Variants in PNPLA6 observed in about 807,000 individuals in gnomAD.
The protein encoded by PNPLA6 is patatin-like phospholipase domain-containing protein 6.
Under a neutral mutation model 153.7 loss-of-function variants are expected in PNPLA6, and 105 were observed. That is an observed-to-expected ratio of 0.68 (90% CI 0.58 to 0.80). The LOEUF is 0.80. Among genes scored for constraint, PNPLA6 ranks in the 30% least tolerant of loss-of-function variants. The pLI, the probability that PNPLA6 is intolerant of heterozygous loss-of-function variation, is 0.00. For synonymous variants in PNPLA6, 825 were observed against 822.2 expected, an observed-to-expected ratio of 1.00 and a Z score of -0.06; for missense variants, 1,423 against 1,919.3, an observed-to-expected ratio of 0.74 and a Z score of 4.83.
intron 18 of PNPLA6, among the ~76,000 whole-genome samples, chr19:7,551,778 C>T (rs906239983): frequency 6.6e-6 from 1 of 151,988 alleles, no homozygotes; most frequent in Non-Finnish European, 1.5e-5. Context: ...ACGGCCTGGA[C>T]GTTGAGAGAA....
At chr19:7,557,125 AGCGTGTCTGT>A in intron 26 of PNPLA6, 33 bp from the exon 27 acceptor site, 1 of 1,430,774 alleles carries the variant, frequency 7.0e-7, no homozygotes, top group Non-Finnish European at 9.8e-7. Context: ...GGCGTGTCTG[AGCGTGTCTGT>A]GCGTGTTTGT....
chr19:7,555,219 C>T lies in PNPLA6; in HGVS notation c.2818-30C>T, dbSNP rs1310338172. On this transcript the variant is annotated intron_variant, in intron 22 of 31. Coordinates refer to ENST00000600737, the MANE Select transcript of PNPLA6 (RefSeq NM_001166114.2). This position sits in a 1 kb window ranked among gnomAD's most constrained non-coding sequence, Gnocchi z 6.3. ...ATCCGCCGGACCCCGCCCTCATGCT[C>T]CTGGGTCGCGACTATCTCCCCCATC... 1 of 1,566,072 alleles carries T rather than the reference C, an allele frequency of 6.4e-7. No individual in the cohort carries two copies. The highest frequency in any genetic ancestry group is 8.7e-7 in the Non-Finnish European group (1 of 1,148,618).
In PNPLA6 at chr19:7,539,733, G is replaced by C. The variant is rs572268101; in HGVS notation, c.414-185G>C. Among the ~76,000 whole-genome samples the C allele has an allele frequency of 4.0e-5, 6 of 148,458 alleles. No homozygotes were observed. The South Asian group carries it at 1.3e-3, about 32-fold the overall frequency. ...GATCGCACCATTGCACTCCAGCCTG[G>C]GAAACAAGAGCAAAACTTCGTCTCA... On this transcript the variant is annotated intron_variant, in intron 3 of 31. Transcript: ENST00000600737.
chr19:7,543,144 G>A (rs1599279312), intron 13 of PNPLA6, 60 bp downstream of exon 13: 1 of 1,403,560 alleles, frequency 7.1e-7, no homozygotes, highest in East Asian at 2.3e-5. Flanking sequence ...TGACTTCTGT[G>A]ACCTCTGATC....
intron 24 of PNPLA6, 72 bp from the exon 25 acceptor site, chr19:7,556,381 C>A: frequency 1.1e-6 from 1 of 928,350 alleles, no homozygotes; most frequent in Non-Finnish European, 1.8e-6. Flanking sequence ...TGCTTGCTCA[C>A]CCCCTATTGA....
chr19:7,548,447 T>C (rs899430231), intron 13 of PNPLA6, among the ~76,000 whole-genome samples: 6 of 152,080 alleles, frequency 3.9e-5, no homozygotes, highest in African/African-American at 1.4e-4. Flanking sequence ...ACAAAGTTTA[T>C]GAATTTGTGT....
At chr19:7,550,162 C>T in intron 14 of PNPLA6, 50 bp downstream of exon 14, 1 of 1,609,274 alleles carries the variant, frequency 6.2e-7, no homozygotes. Flanking sequence ...GGACCCCAAC[C>T]CGTGGGAGTG....
chr19:7,535,567 A>G (rs2022812782), upstream of PNPLA6: 3 of 1,605,474 alleles, frequency 1.9e-6, no homozygotes, highest in East Asian at 6.7e-5. The surrounding 1 kb of genome is among the most constrained non-coding windows in gnomAD (Gnocchi z 5.0). Flanking sequence ...GCTCCGCTGC[A>G]AACTGGAATG....
Position 7,542,584 on chromosome 19 carries a change from G to A in PNPLA6, c.1276G>A (p.Asp426Asn), listed in dbSNP as rs752456382. ...ISGLQGGPRS[D>N]FDMAYERGRI... is the part of the protein sequence containing the mutation. ...AGGCTTGCAGGGTGGCCCCCGCTCC[G>A]ACTTCGACATGGCCTATGAGCGTGG... Residue 426 changes from aspartate to asparagine, a missense_variant, in exon 11 of 32, where the codon GAC (aspartate) becomes AAC (asparagine). By Grantham distance (23) the Asp-to-Asn change is conservative. Coordinates refer to ENST00000600737, the MANE Select transcript of PNPLA6 (RefSeq NM_001166114.2). 8 of 1,613,698 alleles carry A rather than the reference G, an allele frequency of 5.0e-6. No individual in the cohort carries two copies. The highest frequency in any genetic ancestry group is 1.7e-5 in the Admixed American group (1 of 60,020).
At chr19:7,551,223 G>A in intron 17 of PNPLA6, 116 bp downstream of exon 17, 1 of 998,392 alleles carries the variant, frequency 1.0e-6, no homozygotes, top group Non-Finnish European at 1.5e-6. Flanking sequence ...AGGGGCCGAA[G>A]CGAGAGAGTG....
At chr19:7,554,364 C>G in intron 20 of PNPLA6, 92 bp downstream of exon 20, 1 of 1,336,122 alleles carries the variant, frequency 7.5e-7, no homozygotes, top group South Asian at 1.2e-5. Context: ...GGCTTCCAAC[C>G]ACGGAGCCTG....
In PNPLA6 at chr19:7,555,897, T is replaced by C; in HGVS notation, c.3093+134T>C. 1.1e-6 allele frequency: 1 copy of C among 927,986 alleles called. No homozygotes were observed. The highest frequency in any genetic ancestry group is 1.7e-6 in the Non-Finnish European group (1 of 594,352). The allele number at this position is 927,986 out of a possible 1,614,324, so 57.5% of individuals were successfully genotyped here. On this transcript the variant is annotated intron_variant, in intron 24 of 31. Transcript: ENST00000600737. The surrounding 1 kb of genome is among the most constrained non-coding windows in gnomAD (Gnocchi z 6.3). ...TGATTAAATCTATGATCCCCAGCTG[T>C]CCGGACTTTTATAGATAAGCTTCTA... is the stretch of plus-strand genomic sequence containing the variant.
At chr19:7,560,291 T>G (rs932971149) in intron 28 of PNPLA6, among the ~76,000 whole-genome samples, 1 of 152,026 alleles carries the variant, frequency 6.6e-6, no homozygotes, top group Non-Finnish European at 1.5e-5. Context: ...TAGCATGCCA[T>G]GAGAAATTCA....
At chr19:7,548,655 T>A (rs2023491294) in intron 13 of PNPLA6, among the ~76,000 whole-genome samples, 1 of 152,024 alleles carries the variant, frequency 6.6e-6, no homozygotes, top group African/African-American at 2.4e-5. Flanking sequence ...CAATTTTTTT[T>A]TCCTGAATAT....
intron 16 of PNPLA6, 125 bp from the exon 17 acceptor site, chr19:7,550,869 G>C: frequency 1.1e-6 from 1 of 903,432 alleles, no homozygotes; most frequent in Non-Finnish European, 1.7e-6. Flanking sequence ...TAGCGAGCGA[G>C]GCTTGCTTCC....
At chr19:7,538,422 A>G (rs1042671552) in intron 3 of PNPLA6, among the ~76,000 whole-genome samples, 20 of 152,088 alleles carry the variant, frequency 1.3e-4, no homozygotes, top group African/African-American at 3.9e-4. Flanking sequence ...GCCTCAAGCA[A>G]TCCTCCCACC....
chr19:7,542,426 C>G (rs917297522), intron 10 of PNPLA6, 135 bp from the exon 11 acceptor site: 4 of 736,646 alleles, frequency 5.4e-6, no homozygotes, highest in Non-Finnish European at 9.7e-6. Flanking sequence ...CCTCGAACTC[C>G]TATGCTCAAG....
In PNPLA6 at chr19:7,535,937, T is replaced by C; in HGVS notation, c.149T>C (p.Leu50Pro). 3 of 1,584,110 alleles carry C rather than the reference T, an allele frequency of 1.9e-6. No individual in the cohort carries two copies. Among genetic ancestry groups the C allele is most frequent in the Non-Finnish European group, 2.6e-6 (3 of 1,170,156 alleles). ...CCAGTGCCGTTCGTCCCTCAGGTGC[T>C]TGGCGTGATGATCGGGGCCGGAGTG... ...AQPVPFVPQV[L>P]GVMIGAGVAV... The change falls in exon 1 of 32, where the codon CTT becomes CCT. Residue 50 changes from leucine (L) to proline (P), a missense_variant. Leu to Pro is a moderately conservative substitution (Grantham distance 98). Around this residue, in one of 10 missense-constraint regions of PNPLA6, gnomAD observed 109 missense variants for 109.4 expected, o/e 1.00. Transcript: ENST00000600737. This position sits in a 1 kb window ranked among gnomAD's most constrained non-coding sequence, Gnocchi z 5.0.
In PNPLA6 at chr19:7,540,477, A is replaced by G. The variant is rs541692413; in HGVS notation, c.715-153A>G. Among the ~76,000 whole-genome samples, 2 of 152,286 alleles carry G rather than the reference A, an allele frequency of 1.3e-5. No homozygotes were observed. Among genetic ancestry groups the G allele is most frequent in the African/African-American group, 4.8e-5 (2 of 41,546 alleles). ...GCGTAGTTGCTCAGTAGTTACAAGT[A>G]TTGAACGATGGGAGATGCCTGCTCG... On this transcript the variant is annotated intron_variant, in intron 5 of 31. Transcript: ENST00000600737. The surrounding 1 kb of genome is among the most constrained non-coding windows in gnomAD (Gnocchi z 6.8).
Sources: gnomAD v4.1 joint callset for allele counts (sites outside exome capture counted in the v4.1 genomes callset) on GRCh38, gnomAD v4.1.1 for gene constraint, gnomAD v4.1.1 regional missense constraint, Gnocchi (gnomAD v3.1) non-coding constraint, MANE v1.5 for transcripts, NCBI Gene and HGNC (gene_info 2026-07-23, HGNC 2026-07-21) for gene names.